Variants in CPVL observed in about 807,000 individuals in gnomAD.
CPVL encodes the protein probable serine carboxypeptidase CPVL.
CPVL carries 51 observed loss-of-function variants against 63.7 expected under a neutral mutation model. That is an observed-to-expected ratio of 0.80 (90% CI 0.64 to 1.01). The LOEUF is 1.01. CPVL is among the 50% of genes least tolerant of loss of function. The pLI, the probability that CPVL is intolerant of heterozygous loss-of-function variation, is 0.00. For missense variants in CPVL, 530 were observed against 573.1 expected (o/e 0.92, Z 0.77); for synonymous variants, 195 against 206.0 (o/e 0.95, Z 0.46).
intron 1 of CPVL, among the ~76,000 whole-genome samples, chr7:29,188,663 C>T (rs891335370): frequency 6.6e-6 from 1 of 152,024 alleles, no homozygotes; most frequent in Non-Finnish European, 1.5e-5. Flanking sequence ...ACAGGATCTG[C>T]TCGGTTCCCT....
intron 12 of CPVL, among the ~76,000 whole-genome samples, chr7:29,028,230 CTG>C (rs1787682065): frequency 1.3e-5 from 2 of 152,172 alleles, no homozygotes; most frequent in African/African-American, 4.8e-5. Flanking sequence ...GCTGGGTAAA[CTG>C]GGATCCATAT....
At chr7:29,153,765 T>G (rs1363670397) in intron 5 of CPVL, among the ~76,000 whole-genome samples, 2 of 152,098 alleles carry the variant, frequency 1.3e-5, no homozygotes, top group African/African-American at 4.8e-5. Context: ...AGACAGGGTT[T>G]CACCATGTTG....
rs1454170422 is a variant in CPVL, at chr7:29,101,640, TA to T, written c.289-5424del. Among the ~76,000 whole-genome samples the T allele has an allele frequency of 2.0e-4, 31 of 152,072 alleles. No homozygotes were observed. In the East Asian group the frequency reaches 6.0e-3, roughly 29 times the overall value. On this transcript the variant is annotated intron_variant, in intron 3 of 12. Coordinates refer to ENST00000265394, the MANE Select transcript of CPVL (RefSeq NM_031311.5). ...ATTTTTCTTAAAACTTTTTCTATTA[TA>T]AAAACAGTACTTATTCTTAACTAAA...
At chr7:29,102,642 G>T (rs1787268618) in intron 3 of CPVL, among the ~76,000 whole-genome samples, 1 of 152,170 alleles carries the variant, frequency 6.6e-6, no homozygotes. Flanking sequence ...CCTAGCAACA[G>T]AAGAGGGTCG....
At chr7:29,178,774 C>T (rs997760982) in intron 5 of CPVL, among the ~76,000 whole-genome samples, 1 of 152,052 alleles carries the variant, frequency 6.6e-6, no homozygotes, top group Non-Finnish European at 1.5e-5. Flanking sequence ...TGGAATTAGC[C>T]ATCTGCATTC....
At chr7:29,053,970 G>T (rs1262866974) in intron 11 of CPVL, among the ~76,000 whole-genome samples, 1 of 152,110 alleles carries the variant, frequency 6.6e-6, no homozygotes, top group Non-Finnish European at 1.5e-5. Flanking sequence ...AGCTACTTGG[G>T]GGACTGAGGC....
chr7:29,011,558 G>C (rs558325530), intron 12 of CPVL: 1 of 152,330 alleles, frequency 6.6e-6, no homozygotes, highest in African/African-American at 2.4e-5. Flanking sequence ...CTAGGTGACA[G>C]GGCAAGTCCC....
At chr7:29,170,898 G>A (rs1015117316) in intron 5 of CPVL, among the ~76,000 whole-genome samples, 3 of 152,108 alleles carry the variant, frequency 2.0e-5, no homozygotes, top group African/African-American at 7.2e-5. Context: ...GCAACTATCA[G>A]ATCTCGTGAG....
chr7:29,073,670 C>A (rs1259868282), intron 7 of CPVL, among the ~76,000 whole-genome samples: 3 of 152,154 alleles, frequency 2.0e-5, no homozygotes, highest in African/African-American at 7.2e-5. Flanking sequence ...TATATTTTTT[C>A]TTTCCTAAGT....
chr7:29,072,684 T>C (rs2240503), intron 7 of CPVL, among the ~76,000 whole-genome samples: 9,350 of 152,278 alleles, frequency 0.061, 402 homozygotes, highest in East Asian at 0.18. Flanking sequence ...GTGAACATTC[T>C]AATTTCCTTC....
chr7:29,015,232 C>T (rs1786285680), intron 12 of CPVL, among the ~76,000 whole-genome samples: 1 of 152,190 alleles, frequency 6.6e-6, no homozygotes, highest in Non-Finnish European at 1.5e-5. Context: ...GCATGTGCTG[C>T]CAAATATTCT....
chr7:29,173,466 A>G (rs1357243966), intron 5 of CPVL, among the ~76,000 whole-genome samples: 1 of 152,100 alleles, frequency 6.6e-6, no homozygotes, highest in Non-Finnish European at 1.5e-5. Context: ...CATCCTAACA[A>G]CAAGAAAATG....
chr7:29,146,693 C>A, upstream of CPVL: 1 of 1,550,602 alleles, frequency 6.4e-7, no homozygotes. Context: ...AGCAAGCAGC[C>A]CCAGGGTGGA....
At chr7:29,164,639 C>T (rs548585109) in intron 5 of CPVL, among the ~76,000 whole-genome samples, 1 of 151,652 alleles carries the variant, frequency 6.6e-6, no homozygotes, top group South Asian at 2.1e-4. Flanking sequence ...AAATTAGCCA[C>T]GCGTGGTGGC....
At chr7:29,144,856 T>C (rs1203299339) in intron 1 of CPVL, among the ~76,000 whole-genome samples, 1 of 152,176 alleles carries the variant, frequency 6.6e-6, no homozygotes, top group Non-Finnish European at 1.5e-5. Context: ...TCATTCAAAC[T>C]GTCAGTCAAA....
chr7:29,073,269 T>C (rs1349099393), intron 7 of CPVL, among the ~76,000 whole-genome samples: 2 of 152,200 alleles, frequency 1.3e-5, no homozygotes, highest in African/African-American at 2.4e-5. Context: ...TTGTCTCGTA[T>C]TCCACAGAAG....
chr7:29,019,393 C>T lies in CPVL; in HGVS notation c.1320+11184G>A, dbSNP rs181087220. On this transcript the variant is annotated intron_variant, in intron 12 of 12. Transcript: ENST00000265394. ...GGAACAAGAAGCACTTGCTCTTCAT[C>T]GGATCTCTGAAGGCTGGTGGGAGCT... Among the ~76,000 whole-genome samples, 240 of 152,260 alleles carry T rather than the reference C, an allele frequency of 1.6e-3. 1 individual carries two copies. Among genetic ancestry groups the T allele is most frequent in the African/African-American group, 5.3e-3 (222 of 41,546 alleles).
intron 12 of CPVL, among the ~76,000 whole-genome samples, chr7:29,025,174 A>G (rs1787373087): frequency 1.3e-5 from 2 of 152,214 alleles, no homozygotes; most frequent in African/African-American, 2.4e-5. Context: ...CTACTGCGTT[A>G]GGCCATTCTG....
chr7:29,063,327 G>C (rs1782813187), intron 11 of CPVL, among the ~76,000 whole-genome samples: 1 of 152,184 alleles, frequency 6.6e-6, no homozygotes, highest in Admixed American at 6.5e-5. Context: ...ATTGGGTAAA[G>C]TGAATGAATA....
Sources: gnomAD v4.1 joint callset for allele counts (sites outside exome capture counted in the v4.1 genomes callset) on GRCh38, gnomAD v4.1.1 for gene constraint, MANE v1.5 for transcripts, NCBI Gene and HGNC (gene_info 2026-07-23, HGNC 2026-07-21) for gene names.